ZNF732: variants seen among roughly 807,000 people sequenced by gnomAD.
ZNF732 encodes the protein zinc finger protein LOC654254.
ZNF732 carries 12 observed loss-of-function variants against 11.5 expected under a neutral mutation model. The observed-to-expected ratio is 1.05, with a 90% CI of 0.67 to 1.70. The LOEUF (loss-of-function observed/expected upper bound fraction) is 1.70. ZNF732 is among the 40% of genes most tolerant of loss of function. ZNF732 has a pLI of 0.00. For synonymous variants in ZNF732, 231 were observed against 236.5 expected (o/e 0.98, Z 0.21); for missense variants, 702 against 676.9 (o/e 1.04, Z -0.41).
At chr4:289,389 G>C (rs1448002036) in intron 3 of ZNF732, among the ~76,000 whole-genome samples, 6 of 152,254 alleles carry the variant, frequency 3.9e-5, no homozygotes, top group African/African-American at 1.4e-4. Flanking sequence ...ATGTTGCAAT[G>C]ATAGCTTTTT....
intron 3 of ZNF732, among the ~76,000 whole-genome samples, chr4:282,645 T>C (rs1553840028): frequency 6.6e-6 from 1 of 152,162 alleles, no homozygotes; most frequent in Non-Finnish European, 1.5e-5. Flanking sequence ...AAGGCTGCAC[T>C]GAGCTGTGAA....
chr4:271,414 T>G lies in ZNF732; in HGVS notation c.1443A>C (p.Lys481Asn). Residue 481 changes from lysine (K) to asparagine (N), a missense_variant, in exon 4 of 4, where the codon AAA (lysine) becomes AAC (asparagine). Physicochemically the swap from Lys to Asn is moderately conservative, Grantham distance 94 (BLOSUM62 0). This residue lies in a region of ZNF732 where 596 missense variants were observed against 557.9 expected (regional missense o/e 1.07). Transcript: ENST00000419098. ...EKPYRCEECG[K>N]AFLCSRALNK... is the part of the protein sequence containing the mutation. ...TCAGGGCTCTGGAACATAAAAAGGC[T>G]TTGCCACACTCTTCACATCTATAAG... The G allele has an allele frequency of 6.2e-7, 1 of 1,602,324 alleles. No individual in the cohort carries two copies.
intron 3 of ZNF732, among the ~76,000 whole-genome samples, chr4:287,272 T>C (rs1468464858): frequency 2.6e-5 from 4 of 151,394 alleles, no homozygotes; most frequent in Non-Finnish European, 4.4e-5. Context: ...TGTAGTGCAA[T>C]GGCGTGATCT....
intron 1 of ZNF732, among the ~76,000 whole-genome samples, chr4:300,044 G>A (rs985542002): frequency 4.0e-5 from 6 of 151,648 alleles, no homozygotes; most frequent in Non-Finnish European, 7.4e-5. Context: ...GGCAGAGAGG[G>A]AACTGATAGA....
At chr4:283,338 T>A (rs555145022) in intron 3 of ZNF732, among the ~76,000 whole-genome samples, 1 of 152,124 alleles carries the variant, frequency 6.6e-6, no homozygotes, top group Non-Finnish European at 1.5e-5. Flanking sequence ...AATGTCTGAA[T>A]AGATTTAAAA....
intron 1 of ZNF732, among the ~76,000 whole-genome samples, chr4:304,234 A>G (rs1553843994): frequency 2.0e-5 from 3 of 152,200 alleles, no homozygotes; most frequent in African/African-American, 4.8e-5. Context: ...GTTAGCATTA[A>G]GTGGGGGCTG....
rs61792085 is a variant in ZNF732 at position 271,696 on chromosome 4, C to T, written c.1161G>A (p.Glu387=). The change falls in exon 4 of 4, where the codon GAG becomes GAA. Residue 387 remains glutamate, a synonymous_variant. Coordinates refer to ENST00000419098, the MANE Select transcript of ZNF732 (RefSeq NM_001137608.3). The part of the protein sequence containing the change: ...LNKHKSIHTG[E]KPYTCEECGK... ...CACATTCTTCACATGTGTAGGGTTT[C>T]TCTCCAGTATGAATACTCTTATGTT... The T allele has an allele frequency of 2.5e-6, 4 of 1,612,610 alleles. No homozygotes were observed. Among genetic ancestry groups the T allele is most frequent in the African/African-American group, 1.3e-5 (1 of 74,868 alleles).
At chr4:287,241 G>T (rs1581539626) in intron 3 of ZNF732, among the ~76,000 whole-genome samples, 3 of 151,392 alleles carry the variant, frequency 2.0e-5, no homozygotes, top group African/African-American at 7.3e-5. Flanking sequence ...TTTAAAGACG[G>T]AGTTTTGGTG....
chr4:279,135 T>TG (rs1175482842), intron 3 of ZNF732, among the ~76,000 whole-genome samples: 4 of 148,922 alleles, frequency 2.7e-5, no homozygotes, highest in Non-Finnish European at 5.9e-5. Context: ...ACTGAGATAG[T>TG]GAAAAAAAAA....
At chr4:295,250 A>G (rs185951832) in intron 3 of ZNF732, among the ~76,000 whole-genome samples, 188 bp downstream of exon 3, 1 of 152,316 alleles carries the variant, frequency 6.6e-6, no homozygotes, top group East Asian at 1.9e-4. Context: ...TAAAGAAAAA[A>G]GAGAATTCTT....
intron 3 of ZNF732, among the ~76,000 whole-genome samples, chr4:290,518 C>G (rs1719824758): frequency 6.6e-6 from 1 of 152,178 alleles, no homozygotes; most frequent in African/African-American, 2.4e-5. Flanking sequence ...CCTGAAGCAG[C>G]CCTGTGACTC....
At position 272,477 on chromosome 4, in the gene ZNF732, T is replaced by C. The variant is rs1298023501; in HGVS notation, c.380A>G (p.Asn127Ser). 1 of 1,602,466 alleles carries C rather than the reference T, an allele frequency of 6.2e-7. No individual in the cohort carries two copies. Among genetic ancestry groups the C allele is most frequent in the African/African-American group, 1.3e-5 (1 of 74,604 alleles). Residue 127 changes from asparagine to serine, a missense_variant, in exon 4 of 4, where the codon AAT becomes AGT. Coordinates refer to ENST00000419098, the MANE Select transcript of ZNF732 (RefSeq NM_001137608.3). ...CKRKVQKGGY[N>S]EFNQCLSTIQ... The stretch of plus-strand genomic sequence containing the variant: ...AGTTGACAAGCATTGATTAAATTCA[T>C]TATAACCTCCTTTCTGCACCTTCCT...
chr4:299,444 T>TATATACAC (rs1553843187), intron 1 of ZNF732, among the ~76,000 whole-genome samples: 613 of 33,854 alleles, frequency 0.018, 48 homozygotes, highest in Non-Finnish European at 0.021. Flanking sequence ...TGTATATATA[T>TATATACAC]ATATATACAC....
intron 1 of ZNF732, among the ~76,000 whole-genome samples, chr4:303,230 C>T (rs563204233): frequency 6.6e-6 from 1 of 151,856 alleles, no homozygotes; most frequent in African/African-American, 2.4e-5. Flanking sequence ...TTTAACTAGA[C>T]CCCCCCTCCC....
chr4:305,417 T>TCAGG lies in ZNF732; in HGVS notation c.-108_-107insCCTG. The TCAGG allele has an allele frequency of 6.6e-7, 1 of 1,519,368 alleles. No individual in the cohort carries two copies. Among genetic ancestry groups the TCAGG allele is most frequent in the Non-Finnish European group, 9.0e-7 (1 of 1,112,082 alleles). 94.1% of individuals were successfully genotyped at this position (1,519,368 alleles called of 1,614,324 possible). On this transcript the variant is annotated 5_prime_UTR_variant, in exon 1 of 4. Transcript: ENST00000419098. Reference sequence around the variant, plus strand: ...TGTGACCGAATCACCGACGCCTCCCTGAGGGGTGAAAGCACGGCCGTGGAG... The same window carrying TCAGG: ...TGTGACCGAATCACCGACGCCTCCCTCAGGGAGGGGTGAAAGCACGGCCGTGGAG...
rs182722730 is a variant in ZNF732, at chr4:293,760, T to C, written c.226+1678A>G. Among the ~76,000 whole-genome samples, 32 of 152,312 alleles carry C rather than the reference T, an allele frequency of 2.1e-4. 1 individual carries two copies. The highest frequency in any genetic ancestry group is 3.4e-3 in the Middle Eastern group (1 of 294). Reference sequence around the variant, plus strand: ...AGATGTGTTGATCAACTTGACTATATTTTACAATAAAATATGTGCATATCA... The same window carrying C: ...AGATGTGTTGATCAACTTGACTATACTTTACAATAAAATATGTGCATATCA... On this transcript the variant is annotated intron_variant, in intron 3 of 3. Coordinates refer to ENST00000419098, the MANE Select transcript of ZNF732 (RefSeq NM_001137608.3).
chr4:297,453 G>A (rs1168420253), intron 1 of ZNF732, among the ~76,000 whole-genome samples: 1 of 151,748 alleles, frequency 6.6e-6, no homozygotes, highest in East Asian at 1.9e-4. Flanking sequence ...TTAAATACAG[G>A]GCCCAGAATT....
At chr4:295,674 T>C (rs1210443574) in intron 2 of ZNF732, 141 bp from the exon 3 acceptor site, 1 of 777,374 alleles carries the variant, frequency 1.3e-6, no homozygotes, top group African/African-American at 1.8e-5. Context: ...ATCTTTAAAA[T>C]ATTTAAGTAT....
chr4:304,132 C>T (rs1553843975), intron 1 of ZNF732, among the ~76,000 whole-genome samples: 1 of 152,110 alleles, frequency 6.6e-6, no homozygotes, highest in Admixed American at 6.5e-5. Context: ...ACCCTAGGAG[C>T]AAAGCTGTCA....
Sources: gnomAD v4.1 joint callset for allele counts (sites outside exome capture counted in the v4.1 genomes callset) on GRCh38, gnomAD v4.1.1 for gene constraint, gnomAD v4.1.1 regional missense constraint, MANE v1.5 for transcripts, NCBI Gene and HGNC (gene_info 2026-07-23, HGNC 2026-07-21) for gene names.